PAPSS1: variants seen among roughly 807,000 people sequenced by gnomAD.
The protein encoded by PAPSS1 is bifunctional 3'-phosphoadenosine 5'-phosphosulfate synthase 1.
Under a neutral mutation model 72.0 loss-of-function variants are expected in PAPSS1, and 50 were observed. The observed-to-expected ratio is 0.69, with a 90% confidence interval of 0.55 to 0.88. The LOEUF is 0.88. PAPSS1 is among the 40% of genes least tolerant of loss of function. The pLI, the probability that PAPSS1 is intolerant of heterozygous loss-of-function variation, is 0.00. For missense variants in PAPSS1, 657 were observed against 782.2 expected (o/e 0.84, Z 1.91); for synonymous variants, 261 against 263.6 (o/e 0.99, Z 0.09).
chr4:107,626,317 G>C (rs779510725), intron 11 of PAPSS1, among the ~76,000 whole-genome samples: 1 of 152,032 alleles, frequency 6.6e-6, no homozygotes, highest in Non-Finnish European at 1.5e-5. Context: ...ACTCTCACTC[G>C]TGTGTACTGT....
chr4:107,668,830 T>C (rs1727388906), intron 5 of PAPSS1, among the ~76,000 whole-genome samples: 1 of 152,156 alleles, frequency 6.6e-6, no homozygotes, highest in Non-Finnish European at 1.5e-5. Flanking sequence ...TATATTCCAT[T>C]AGTTCTGTCC....
intron 11 of PAPSS1, among the ~76,000 whole-genome samples, chr4:107,619,601 G>A (rs1430290318): frequency 6.6e-6 from 1 of 152,096 alleles, no homozygotes; most frequent in African/African-American, 2.4e-5. Context: ...TTTCTGGAAT[G>A]GGCTAAAATT....
rs1276510709 is a variant in PAPSS1, at chr4:107,693,985, G to C, written c.197C>G (p.Thr66Ser). Residue 66 changes from threonine (T) to serine (S), a missense_variant, in exon 3 of 12, where the codon ACT becomes AGT. Physicochemically the swap from Thr to Ser is moderately conservative, Grantham distance 58 (BLOSUM62 1). Coordinates refer to ENST00000265174, the MANE Select transcript of PAPSS1 (RefSeq NM_005443.5). Reference protein sequence around the residue: ...WLTGLSGAGKTTVSMALEEYL... With the variant: ...WLTGLSGAGKSTVSMALEEYL... ...CTCCTCCAAGGCCATGCTCACAGTA[G>C]TCTTTCCCGCTCCAGACAAGCCTAA... The C allele has an allele frequency of 6.2e-7, 1 of 1,612,702 alleles. No individual in the cohort carries two copies. Among genetic ancestry groups the C allele is most frequent in the South Asian group, 1.1e-5 (1 of 91,064 alleles).
chr4:107,657,205 C>T (rs528134150), intron 6 of PAPSS1, among the ~76,000 whole-genome samples, 198 bp from the exon 7 acceptor site: 4 of 152,190 alleles, frequency 2.6e-5, no homozygotes, highest in Admixed American at 1.3e-4. Context: ...TAACATTAGG[C>T]CTCCAAGTAT....
intron 11 of PAPSS1, among the ~76,000 whole-genome samples, chr4:107,627,924 CAT>C (rs1726139315): frequency 2.0e-5 from 3 of 152,174 alleles, no homozygotes; most frequent in East Asian, 3.9e-4. Flanking sequence ...CAAAATCCCA[CAT>C]GATTTAGAAC....
intron 2 of PAPSS1, 151 bp from the exon 3 acceptor site, chr4:107,694,157 G>A (rs1236163584): frequency 1.7e-6 from 1 of 601,380 alleles, no homozygotes; most frequent in Non-Finnish European, 2.9e-6. Context: ...TCAAACTCCT[G>A]GACTCAAGAG....
intron 11 of PAPSS1, among the ~76,000 whole-genome samples, chr4:107,616,313 T>C (rs1273087645): frequency 6.6e-6 from 1 of 152,014 alleles, no homozygotes; most frequent in Non-Finnish European, 1.5e-5. Flanking sequence ...ATTATTATAA[T>C]TTTATAATGA....
chr4:107,619,819 T>C (rs1161884567), intron 11 of PAPSS1, among the ~76,000 whole-genome samples: 3 of 152,206 alleles, frequency 2.0e-5, no homozygotes, highest in African/African-American at 4.8e-5. Flanking sequence ...CAGATTCTTA[T>C]AATCTACAGC....
intron 2 of PAPSS1, chr4:107,694,254 T>C (rs1012038372): frequency 2.5e-4 from 106 of 432,152 alleles, no homozygotes; most frequent in African/African-American, 1.9e-3. Flanking sequence ...GACAGAATTC[T>C]CAATATGTTG....
At chr4:107,636,702 G>A (rs1726395116) in intron 10 of PAPSS1, among the ~76,000 whole-genome samples, 1 of 152,060 alleles carries the variant, frequency 6.6e-6, no homozygotes, top group Non-Finnish European at 1.5e-5. Context: ...AAGCAGGGGA[G>A]GACAGGAGGA....
At chr4:107,691,038 A>G (rs1722907821) in intron 3 of PAPSS1, among the ~76,000 whole-genome samples, 1 of 152,166 alleles carries the variant, frequency 6.6e-6, no homozygotes, top group Non-Finnish European at 1.5e-5. Flanking sequence ...TTAAACTGAT[A>G]TATTGGCAAT....
chr4:107,687,316 A>G, intron 3 of PAPSS1, 139 bp from the exon 4 acceptor site: 1 of 618,986 alleles, frequency 1.6e-6, no homozygotes. Flanking sequence ...AAACTGAAAA[A>G]AAAATCCAAG....
At chr4:107,630,621 G>A (rs931820240) in intron 11 of PAPSS1, among the ~76,000 whole-genome samples, 2 of 152,100 alleles carry the variant, frequency 1.3e-5, no homozygotes, top group South Asian at 2.1e-4. Flanking sequence ...TAAATACAAT[G>A]TTCAATACTA....
chr4:107,676,760 C>A lies in PAPSS1; in HGVS notation c.669+5255G>T, dbSNP rs1727663047. On this transcript the variant is annotated intron_variant, in intron 5 of 11. Coordinates refer to ENST00000265174, the MANE Select transcript of PAPSS1 (RefSeq NM_005443.5). Reference sequence around the variant, plus strand: ...TAAGCCAAAAGAACAAAGCTGGAGGCATCACACTACCTGACTTCAAACTAT... The same window carrying A: ...TAAGCCAAAAGAACAAAGCTGGAGGAATCACACTACCTGACTTCAAACTAT... Among the ~76,000 whole-genome samples the A allele has an allele frequency of 3.3e-5, 5 of 152,292 alleles. No homozygotes were observed. In the South Asian group the frequency reaches 1.0e-3, roughly 32 times the overall value.
At chr4:107,694,318 G>T (rs1440034735) in intron 2 of PAPSS1, 2 of 291,760 alleles carry the variant, frequency 6.9e-6, no homozygotes, top group Non-Finnish European at 6.5e-6. Flanking sequence ...TGCAATCACA[G>T]GATTAAATAC....
intron 2 of PAPSS1, 189 bp from the exon 3 acceptor site, chr4:107,694,195 GGAC>G (rs1723011509): frequency 1.8e-6 from 1 of 549,704 alleles, no homozygotes; most frequent in African/African-American, 1.9e-5. Flanking sequence ...CAAATAGCTA[GGAC>G]AACAGGCACA....
chr4:107,651,951 C>T (rs1408943148), intron 9 of PAPSS1, among the ~76,000 whole-genome samples: 2 of 152,186 alleles, frequency 1.3e-5, no homozygotes, highest in African/African-American at 4.8e-5. Context: ...ACAAACACAA[C>T]TGCTAGGTGG....
chr4:107,703,664 A>G (rs1021772362), intron 1 of PAPSS1, among the ~76,000 whole-genome samples: 5 of 152,198 alleles, frequency 3.3e-5, no homozygotes, highest in African/African-American at 4.8e-5. Context: ...TCAATTAAAT[A>G]TAAATGCATG....
intron 1 of PAPSS1, among the ~76,000 whole-genome samples, chr4:107,706,635 G>A (rs996406543): frequency 1.3e-5 from 2 of 152,062 alleles, no homozygotes; most frequent in Non-Finnish European, 2.9e-5. Context: ...TCAGCTACTG[G>A]AAGGTTATTT....
Sources: gnomAD v4.1 joint callset for allele counts (sites outside exome capture counted in the v4.1 genomes callset) on GRCh38, gnomAD v4.1.1 for gene constraint, MANE v1.5 for transcripts, NCBI Gene and HGNC (gene_info 2026-07-23, HGNC 2026-07-21) for gene names.